The following UBE2E2 variants were observed in gnomAD, a reference collection of about 807,000 sequenced individuals.
UBE2E2 encodes the protein ubiquitin-conjugating enzyme E2 E2.
A neutral mutation model predicts 24.7 loss-of-function variants in UBE2E2; 6 were observed. The ratio of observed to expected loss-of-function variants is 0.24; its 90% confidence interval spans 0.13 to 0.48. UBE2E2 has a LOEUF of 0.48. Ranked by LOEUF, UBE2E2 falls within the 20% of genes least tolerant of loss-of-function variation. The probability of loss-of-function intolerance (pLI) is 0.99; values close to 1 mark genes in which losing one functional copy is unlikely to be tolerated. For missense variants in UBE2E2, 169 were observed against 245.0 expected, an observed-to-expected ratio of 0.69 and a Z score of 2.07; for synonymous variants, 104 against 83.6, an observed-to-expected ratio of 1.24 and a Z score of -1.33.
chr3:23,410,795 G>C (rs1296493165), intron 3 of UBE2E2, among the ~76,000 whole-genome samples: 1 of 152,104 alleles, frequency 6.6e-6, no homozygotes, highest in Non-Finnish European at 1.5e-5. Context: ...GTGCAGACAA[G>C]TTAACAAGCA....
At chr3:23,271,323 TGCTG>T (rs1354354858) in intron 3 of UBE2E2, among the ~76,000 whole-genome samples, 1 of 152,194 alleles carries the variant, frequency 6.6e-6, no homozygotes, top group African/African-American at 2.4e-5. Context: ...TTTGTGGTCT[TGCTG>T]GCTTCAGGAG....
chr3:23,203,938 G>A (rs1696050763), intron 1 of UBE2E2, among the ~76,000 whole-genome samples: 1 of 151,986 alleles, frequency 6.6e-6, no homozygotes. Context: ...CTTCGCCGCC[G>A]CACCCCGGTG....
At chr3:23,334,860 A>G (rs1295527745) in intron 3 of UBE2E2, among the ~76,000 whole-genome samples, 1 of 152,206 alleles carries the variant, frequency 6.6e-6, no homozygotes, top group Admixed American at 6.5e-5. Context: ...TCAGCTATTG[A>G]TATGTGAATT....
intron 3 of UBE2E2, among the ~76,000 whole-genome samples, chr3:23,393,232 T>G (rs1003698182): frequency 6.6e-6 from 1 of 152,200 alleles, no homozygotes; most frequent in African/African-American, 2.4e-5. Context: ...TAGACATGAC[T>G]TAATGATTTA....
At chr3:23,218,449 G>C (rs1305762868) in intron 3 of UBE2E2, among the ~76,000 whole-genome samples, 4 of 151,956 alleles carry the variant, frequency 2.6e-5, no homozygotes, top group Admixed American at 2.0e-4. Flanking sequence ...TTAGCTTTTG[G>C]TGGTCAATGA....
intron 3 of UBE2E2, among the ~76,000 whole-genome samples, chr3:23,250,023 C>G (rs1172633776): frequency 6.6e-6 from 1 of 152,186 alleles, no homozygotes; most frequent in Non-Finnish European, 1.5e-5. Flanking sequence ...ATGCCAGACA[C>G]TGATCTAAGT....
chr3:23,431,268 A>G (rs1447290027), intron 3 of UBE2E2, among the ~76,000 whole-genome samples: 1 of 152,194 alleles, frequency 6.6e-6, no homozygotes, highest in Non-Finnish European at 1.5e-5. Flanking sequence ...CACTGAAGAA[A>G]GAAAAAGTCA....
chr3:23,502,794 G>A (rs1699752128), intron 4 of UBE2E2, among the ~76,000 whole-genome samples: 1 of 152,128 alleles, frequency 6.6e-6, no homozygotes, highest in Non-Finnish European at 1.5e-5. Flanking sequence ...ACAATTTTTA[G>A]TACATTGAAT....
At chr3:23,501,905 TAAGGAGAA>T (rs1699728655) in intron 4 of UBE2E2, among the ~76,000 whole-genome samples, 1 of 151,706 alleles carries the variant, frequency 6.6e-6, no homozygotes, top group African/African-American at 2.4e-5. Context: ...AGACAATCTC[TAAGGAGAA>T]AAAAAAAAGC....
intron 2 of UBE2E2, among the ~76,000 whole-genome samples, chr3:23,213,008 T>G (rs1274373315): frequency 1.3e-5 from 2 of 152,086 alleles, no homozygotes; most frequent in Admixed American, 1.3e-4. Flanking sequence ...TGAGAATAAG[T>G]TCATTTTGGA....
chr3:23,478,093 T>C (rs1699177789), intron 3 of UBE2E2, among the ~76,000 whole-genome samples: 1 of 152,256 alleles, frequency 6.6e-6, no homozygotes, highest in Non-Finnish European at 1.5e-5. Context: ...GAAAACAAAC[T>C]AATACACCTA....
At chr3:23,340,677 G>T (rs1695356409) in intron 3 of UBE2E2, among the ~76,000 whole-genome samples, 3 of 152,090 alleles carry the variant, frequency 2.0e-5, no homozygotes, top group Admixed American at 2.0e-4. Flanking sequence ...ACCCTTCTTG[G>T]ACTGCATTAG....
intron 5 of UBE2E2, among the ~76,000 whole-genome samples, chr3:23,570,056 A>G (rs1017068162): frequency 1.3e-5 from 2 of 152,172 alleles, no homozygotes; most frequent in Non-Finnish European, 2.9e-5. Flanking sequence ...TAGAAGGTCA[A>G]CCTGGTCCAT....
chr3:23,254,831 G>T (rs887044719), intron 3 of UBE2E2, among the ~76,000 whole-genome samples: 1 of 152,092 alleles, frequency 6.6e-6, no homozygotes, highest in African/African-American at 2.4e-5. Context: ...TGGAAAGGCA[G>T]GGTGTGGCCA....
chr3:23,557,423 C>T (rs1228825837), intron 5 of UBE2E2, among the ~76,000 whole-genome samples: 3 of 152,168 alleles, frequency 2.0e-5, no homozygotes, highest in African/African-American at 7.2e-5. Flanking sequence ...ATCCTGGCAG[C>T]CCAGGGTACA....
intron 3 of UBE2E2, among the ~76,000 whole-genome samples, chr3:23,441,358 ACT>A: frequency 7.3e-6 from 1 of 136,200 alleles, no homozygotes. Flanking sequence ...CCACGTCTCT[ACT>A]AAAAATCCAA....
chr3:23,346,087 C>G (rs1006833101), intron 3 of UBE2E2, among the ~76,000 whole-genome samples: 1 of 152,128 alleles, frequency 6.6e-6, no homozygotes, highest in Non-Finnish European at 1.5e-5. Context: ...TTTAAGCCCC[C>G]CTACTTCTAG....
intron 3 of UBE2E2, among the ~76,000 whole-genome samples, chr3:23,270,415 G>A (rs534868632): frequency 6.6e-6 from 1 of 152,090 alleles, no homozygotes; most frequent in Admixed American, 6.6e-5. Context: ...AGCCCCACGG[G>A]CCTGGGTTAT....
chr3:23,434,733 G>A (rs1698145849), intron 3 of UBE2E2, among the ~76,000 whole-genome samples: 1 of 152,270 alleles, frequency 6.6e-6, no homozygotes, highest in Non-Finnish European at 1.5e-5. Flanking sequence ...TGTTTAATAA[G>A]TAGCACAATT....
Sources: allele counts gnomAD v4.1 joint callset (sites outside exome capture counted in the v4.1 genomes callset), GRCh38; gene constraint gnomAD v4.1.1; transcripts MANE v1.5; gene names NCBI Gene and HGNC (gene_info 2026-07-23, HGNC 2026-07-21).